The following KCNN2 variants were observed in gnomAD, a reference collection of about 807,000 sequenced individuals.
KCNN2 encodes the protein potassium calcium-activated channel subfamily N member 2.
Under a neutral mutation model 55.5 loss-of-function variants are expected in KCNN2, and 24 were observed. The ratio of observed to expected loss-of-function variants is 0.43; its 90% CI spans 0.31 to 0.61. The LOEUF (loss-of-function observed/expected upper bound fraction) is 0.61, where lower values mean the gene tolerates loss of function less well. KCNN2 is among the 20% of genes least tolerant of loss of function. The pLI, the probability that KCNN2 is intolerant of heterozygous loss-of-function variation, is 0.08. For synonymous variants in KCNN2, 431 were observed against 336.1 expected, an observed-to-expected ratio of 1.28 and a Z score of -3.09; for missense variants, 754 against 853.6, an observed-to-expected ratio of 0.88 and a Z score of 1.45.
intron 1 of KCNN2, among the ~76,000 whole-genome samples, chr5:114,202,135 A>G (rs1458114484): frequency 3.9e-5 from 6 of 152,042 alleles, no homozygotes; most frequent in African/African-American, 1.4e-4. Flanking sequence ...TAGACTCCCT[A>G]GTAGCTGGGC....
intron 3 of KCNN2, among the ~76,000 whole-genome samples, chr5:114,459,079 A>C (rs995912432): frequency 6.6e-6 from 1 of 152,222 alleles, no homozygotes; most frequent in African/African-American, 2.4e-5. Context: ...TCTAAGAAAG[A>C]GTGTGAGACC....
At chr5:114,207,595 A>C (rs13154369) in intron 1 of KCNN2, among the ~76,000 whole-genome samples, 66,311 of 151,944 alleles carry the variant, frequency 0.44, 15,204 homozygotes, top group Middle Eastern at 0.55. Flanking sequence ...ATTGTCTTCC[A>C]TTCTCCCTTT....
At chr5:114,282,913 A>G (rs1475842573) in intron 2 of KCNN2, among the ~76,000 whole-genome samples, 1 of 152,176 alleles carries the variant, frequency 6.6e-6, no homozygotes, top group Admixed American at 6.5e-5. Context: ...CTGGCTTCCA[A>G]AATCACTGTC....
At chr5:114,208,893 C>T (rs566573746) in intron 1 of KCNN2, among the ~76,000 whole-genome samples, 1 of 152,292 alleles carries the variant, frequency 6.6e-6, no homozygotes, top group Non-Finnish European at 1.5e-5. Flanking sequence ...CTACTATGTT[C>T]TCTCTCTTTC....
At chr5:114,073,228 A>G (rs373046139) in intron 1 of KCNN2, among the ~76,000 whole-genome samples, 85 of 152,350 alleles carry the variant, frequency 5.6e-4, no homozygotes, top group African/African-American at 2.0e-3. Context: ...TAGACTGAGG[A>G]GTATAGCATT....
At chr5:114,081,832 C>T (rs1393859974) in intron 1 of KCNN2, among the ~76,000 whole-genome samples, 3 of 151,990 alleles carry the variant, frequency 2.0e-5, no homozygotes. Flanking sequence ...AAAGGACAAC[C>T]CATAAAGTGG....
chr5:114,303,226 G>A (rs556550314), intron 2 of KCNN2, among the ~76,000 whole-genome samples: 20 of 152,230 alleles, frequency 1.3e-4, no homozygotes, highest in Middle Eastern at 3.4e-3. Context: ...ACTCTACTTC[G>A]CGTTTTATAT....
chr5:114,189,295 T>A (rs991910799), intron 1 of KCNN2, among the ~76,000 whole-genome samples: 1 of 152,078 alleles, frequency 6.6e-6, no homozygotes, highest in South Asian at 2.1e-4. Flanking sequence ...TACAAAGGCC[T>A]GAGAACAAGG....
intron 2 of KCNN2, among the ~76,000 whole-genome samples, chr5:114,250,059 T>A (rs373473218): frequency 7.9e-5 from 12 of 152,272 alleles, no homozygotes; most frequent in African/African-American, 2.9e-4. Flanking sequence ...AAGTTAAGGA[T>A]GTGCATTCCT....
At chr5:114,232,304 T>C (rs116571595) in intron 2 of KCNN2, among the ~76,000 whole-genome samples, 4,846 of 151,336 alleles carry the variant, frequency 0.032, 584 homozygotes, top group African/African-American at 0.11. Flanking sequence ...TTAAATTTAA[T>C]TCTAAATTAG....
intron 1 of KCNN2, among the ~76,000 whole-genome samples, chr5:114,130,967 G>A (rs1430767840): frequency 6.6e-6 from 1 of 152,048 alleles, no homozygotes; most frequent in Non-Finnish European, 1.5e-5. Flanking sequence ...TTCAAACTAT[G>A]GTAAATGAGC....
intron 2 of KCNN2, among the ~76,000 whole-genome samples, chr5:114,352,134 C>G (rs568187558): frequency 6.6e-6 from 1 of 151,798 alleles, no homozygotes; most frequent in African/African-American, 2.4e-5. Flanking sequence ...AAATTTTCTA[C>G]TTAATCACGG....
intron 4 of KCNN2, among the ~76,000 whole-genome samples, chr5:114,464,114 T>A (rs1318736560): frequency 1.3e-5 from 2 of 152,254 alleles, no homozygotes; most frequent in South Asian, 2.1e-4. Context: ...CTCAGACATC[T>A]TTTTTGCCCC....
chr5:114,486,444 C>T (rs1288799655), intron 5 of KCNN2, among the ~76,000 whole-genome samples: 1 of 152,216 alleles, frequency 6.6e-6, no homozygotes, highest in African/African-American at 2.4e-5. Flanking sequence ...TCACCCTTCT[C>T]ATTTGTCCCA....
intron 1 of KCNN2, among the ~76,000 whole-genome samples, chr5:114,202,875 C>T (rs1468468486): frequency 1.3e-5 from 2 of 152,144 alleles, no homozygotes; most frequent in South Asian, 2.1e-4. Context: ...CGTGAGCCAC[C>T]GCACCCAGCT....
chr5:114,330,386 C>G (rs1324016755), intron 2 of KCNN2, among the ~76,000 whole-genome samples: 1 of 152,174 alleles, frequency 6.6e-6, no homozygotes, highest in African/African-American at 2.4e-5. Context: ...TTTTGAATCC[C>G]TAGCAATACG....
intron 2 of KCNN2, among the ~76,000 whole-genome samples, chr5:114,222,287 C>A (rs1188524146): frequency 2.0e-5 from 3 of 152,118 alleles, no homozygotes; most frequent in Non-Finnish European, 2.9e-5. Flanking sequence ...CCCTAGTAAA[C>A]AATATTTGCA....
At chr5:114,285,693 G>A (rs1395475379) in intron 2 of KCNN2, among the ~76,000 whole-genome samples, 2 of 152,124 alleles carry the variant, frequency 1.3e-5, no homozygotes, top group Non-Finnish European at 2.9e-5. Context: ...AGATCAGTAG[G>A]AAGCTGTTTC....
chr5:114,362,592 G>GC lies in KCNN2; in HGVS notation c.453_454insC (p.Ala152ArgfsTer131). ...ACGCGCAGCAGTCCGCGCAGCAGTC[G>GC]GCGTCCGCCTCCCAGTACCACCAGT... On this transcript the variant is annotated frameshift_variant, in exon 1 of 8. Coordinates refer to ENST00000673685, the MANE Select transcript of KCNN2 (RefSeq NM_021614.4). LOFTEE classifies it high-confidence loss of function. The GC allele has an allele frequency of 1.3e-6, 1 of 759,212 alleles. No homozygotes were observed. Among genetic ancestry groups the GC allele is most frequent in the Non-Finnish European group, 2.0e-6 (1 of 498,108 alleles). The allele number at this position is 759,212 out of a possible 1,614,324, so 47.0% of individuals were successfully genotyped here.
Sources: gnomAD v4.1 joint callset for allele counts (sites outside exome capture counted in the v4.1 genomes callset) on GRCh38, gnomAD v4.1.1 for gene constraint, MANE v1.5 for transcripts, NCBI Gene and HGNC (gene_info 2026-07-23, HGNC 2026-07-21) for gene names.